The following DNAJC27 variants were observed in gnomAD, a reference collection of about 807,000 sequenced individuals.
The protein encoded by DNAJC27 is dnaJ homolog subfamily C member 27.
DNAJC27 carries 25 observed loss-of-function variants against 31.4 expected under a neutral mutation model. The observed-to-expected ratio is 0.80, with a 90% CI of 0.58 to 1.11. The LOEUF is 1.11. Among genes scored for constraint, DNAJC27 ranks in the 50% most tolerant of loss-of-function variants. The pLI is 0.00. For synonymous variants in DNAJC27, 106 were observed against 112.7 expected, an observed-to-expected ratio of 0.94 and a Z score of 0.37; for missense variants, 356 against 347.3, an observed-to-expected ratio of 1.02 and a Z score of -0.20.
At chr2:24,957,679 A>T in intron 4 of DNAJC27, 131 bp downstream of exon 4, 1 of 868,806 alleles carries the variant, frequency 1.2e-6, no homozygotes, top group Non-Finnish European at 1.8e-6. Context: ...TGTCTTAGGG[A>T]CATTATGTTT....
chr2:24,957,092 T>C lies in DNAJC27; in HGVS notation c.479A>G (p.Tyr160Cys), dbSNP rs1665922197. Residue 160 changes from tyrosine (Y) to cysteine (C), a missense_variant, in exon 5 of 7, where the codon TAC becomes TGC. Physicochemically the swap from Tyr to Cys is radical, Grantham distance 194. Transcript: ENST00000264711. Reference protein sequence around the residue: ...RLWAESKGFLYFETSAQTGEG... With the variant: ...RLWAESKGFLCFETSAQTGEG... Reference sequence around the variant, plus strand: ...TCCAGTTTGTGCTGAAGTTTCAAAGTACAGGAACCCTTTGCTTTCAGCCCA... The same window carrying C: ...TCCAGTTTGTGCTGAAGTTTCAAAGCACAGGAACCCTTTGCTTTCAGCCCA... The C allele has an allele frequency of 6.2e-7, 1 of 1,610,654 alleles. No individual in the cohort carries two copies. Among genetic ancestry groups the C allele is most frequent in the East Asian group, 2.2e-5 (1 of 44,760 alleles).
In DNAJC27 at chr2:24,943,693, ACT is replaced by A. The variant is rs906627679; in HGVS notation, c.*3921_*3922del. The A allele has an allele frequency of 1.3e-5, 2 of 152,596 alleles. No homozygotes were observed. Among genetic ancestry groups the A allele is most frequent in the African/African-American group, 4.8e-5 (2 of 41,436 alleles). The allele number at this position is 152,596 out of a possible 1,614,324, so 9.5% of individuals were successfully genotyped here. A position where few individuals can be genotyped will look rare whatever the true frequency, so the allele number is the denominator to read the frequency against. On this transcript the variant is annotated 3_prime_UTR_variant, in exon 7 of 7. Transcript: ENST00000264711. ...AATACACAACTTAAATACATATGACACTCTGTTTACAAGACATAAACTGGTAG... is the reference window on the plus strand; with the variant it reads ...AATACACAACTTAAATACATATGACACTGTTTACAAGACATAAACTGGTAG...
Position 24,969,285 on chromosome 2 carries a change from G to A in DNAJC27, c.88-1992C>T, listed in dbSNP as rs566375191. On this transcript the variant is annotated intron_variant, in intron 1 of 6. Transcript: ENST00000264711. ...CAATACCAAACACAAACTGGAGAAC[G>A]TGATGATGTCAAGGCTCAGGTATCA... The A allele has an allele frequency of 9.1e-5, 15 of 164,000 alleles. No homozygotes were observed. In the East Asian group the frequency reaches 2.5e-3, roughly 27 times the overall value. 10.2% of individuals were successfully genotyped at this position (164,000 alleles called of 1,614,324 possible). A position where few individuals can be genotyped will look rare whatever the true frequency, so the allele number is the denominator to read the frequency against.
At chr2:24,969,005 C>A in intron 1 of DNAJC27, 1 of 159,970 alleles carries the variant, frequency 6.3e-6, no homozygotes, top group Non-Finnish European at 1.4e-5. Context: ...CAATATTGAG[C>A]CAAAGGGTGA....
chr2:24,951,937 C>T (rs544773631), intron 5 of DNAJC27, among the ~76,000 whole-genome samples: 61 of 152,130 alleles, frequency 4.0e-4, no homozygotes, highest in African/African-American at 1.4e-3. Context: ...GGCAAACCCA[C>T]GTCTCCACAC....
chr2:24,972,031 T>C (rs962381602), upstream of DNAJC27: 2 of 668,588 alleles, frequency 3.0e-6, no homozygotes, highest in Non-Finnish European at 2.3e-6. Flanking sequence ...CTGCTCGCCA[T>C]CCCCGCCGCT....
In DNAJC27 at chr2:24,957,027, C is replaced by T. The variant is rs747175751; in HGVS notation, c.528+16G>A. ...GGCCTTGACACAAACCTTAAAACAA[C>T]AAAATGCTAGCTTACCTGGAACATC... On this transcript the variant is annotated intron_variant, in intron 5 of 6. Coordinates refer to ENST00000264711, the MANE Select transcript of DNAJC27 (RefSeq NM_016544.3). 2 of 1,601,076 alleles carry T rather than the reference C, an allele frequency of 1.2e-6. No homozygotes were observed. Among genetic ancestry groups the T allele is most frequent in the African/African-American group, 2.7e-5 (2 of 74,118 alleles).
intron 6 of DNAJC27, 39 bp from the exon 7 acceptor site, chr2:24,947,787 C>A: frequency 1.9e-6 from 3 of 1,589,022 alleles, no homozygotes; most frequent in South Asian, 2.2e-5. Context: ...GTAACAGAGT[C>A]AGCCCAACCC....
In DNAJC27 at chr2:24,946,013, G is replaced by A. The variant is rs576664475; in HGVS notation, c.*1603C>T. 1 of 152,348 alleles carries A rather than the reference G, an allele frequency of 6.6e-6. No homozygotes were observed. Among genetic ancestry groups the A allele is most frequent in the Admixed American group, 6.5e-5 (1 of 15,302 alleles). 9.4% of individuals were successfully genotyped at this position (152,348 alleles called of 1,614,324 possible). On this transcript the variant is annotated 3_prime_UTR_variant, in exon 7 of 7. Transcript: ENST00000264711. ...CAAGCCCCAATTAGTACAGCTAATTGAAAGTATATAAAAATGTGAATTAGT... is the reference window on the plus strand; with the variant it reads ...CAAGCCCCAATTAGTACAGCTAATTAAAAGTATATAAAAATGTGAATTAGT...
In DNAJC27 at chr2:24,945,747, A is replaced by T. The variant is rs964894196; in HGVS notation, c.*1869T>A. On this transcript the variant is annotated 3_prime_UTR_variant, in exon 7 of 7. Transcript: ENST00000264711. The stretch of plus-strand genomic sequence containing the variant: ...TCAGTTCATTTAAAAAGTTGTTTTG[A>T]TATTACCAAGATGAAAAGTGCGATG... The T allele has an allele frequency of 6.6e-6, 1 of 152,244 alleles. No homozygotes were observed. Among genetic ancestry groups the T allele is most frequent in the African/African-American group, 2.4e-5 (1 of 41,454 alleles). The allele number at this position is 152,244 out of a possible 1,614,324, so 9.4% of individuals were successfully genotyped here. A position where few individuals can be genotyped will look rare whatever the true frequency, so the allele number is the denominator to read the frequency against.
At chr2:24,959,996 T>C (rs1666002719) in intron 3 of DNAJC27, among the ~76,000 whole-genome samples, 1 of 152,202 alleles carries the variant, frequency 6.6e-6, no homozygotes, top group South Asian at 2.1e-4. Context: ...CCTCACTTTA[T>C]TGCACCTATG....
Position 24,951,394 on chromosome 2 carries a change from C to G in DNAJC27, c.689G>C (p.Arg230Thr). The change falls in exon 6 of 7, where the codon AGG becomes ACG. Residue 230 changes from arginine to threonine, a missense_variant and splice_region_variant. Transcript: ENST00000264711. Reference protein sequence around the residue: ...DMLGVKPGASRDEVNKAYRKL... With the variant: ...DMLGVKPGASTDEVNKAYRKL... ...GCACTAAGTATCCCAGAGCGCTTAC[C>G]TTGAGGCCCCAGGTTTGACTCCCAG... 1.9e-6 allele frequency: 3 copies of G among 1,610,410 alleles called. No individual in the cohort carries two copies. Among genetic ancestry groups the G allele is most frequent in the Non-Finnish European group, 2.5e-6 (3 of 1,178,178 alleles).
At chr2:24,948,383 A>G (rs1271750141) in intron 6 of DNAJC27, among the ~76,000 whole-genome samples, 2 of 152,328 alleles carry the variant, frequency 1.3e-5, no homozygotes, top group East Asian at 3.9e-4. Context: ...AAGAAATGGC[A>G]GAAGTGGATG....
At chr2:24,963,608 A>G in intron 2 of DNAJC27, 134 bp from the exon 3 acceptor site, 1 of 635,034 alleles carries the variant, frequency 1.6e-6, no homozygotes, top group Admixed American at 2.9e-5. Context: ...CTCATTCCAG[A>G]TCATCTTTAC....
At chr2:24,969,811 G>A (rs552330527) in intron 1 of DNAJC27, among the ~76,000 whole-genome samples, 1 of 152,196 alleles carries the variant, frequency 6.6e-6, no homozygotes, top group African/African-American at 2.4e-5. Context: ...GATACAGTTG[G>A]TCTTCTTTCA....
At chr2:24,957,771 T>C (rs370182747) in intron 4 of DNAJC27, 39 bp downstream of exon 4, 7 of 1,577,532 alleles carry the variant, frequency 4.4e-6, no homozygotes, top group African/African-American at 2.7e-5. Context: ...CTCCACTCTT[T>C]CCCTAGAAAT....
In DNAJC27 at chr2:24,944,131, T is replaced by C. The variant is rs1665589973; in HGVS notation, c.*3485A>G. The C allele has an allele frequency of 6.6e-6, 1 of 152,234 alleles. No homozygotes were observed. Among genetic ancestry groups the C allele is most frequent in the Non-Finnish European group, 1.5e-5 (1 of 68,048 alleles). 9.4% of individuals were successfully genotyped at this position (152,234 alleles called of 1,614,324 possible). A position where few individuals can be genotyped will look rare whatever the true frequency, so the allele number is the denominator to read the frequency against. On this transcript the variant is annotated 3_prime_UTR_variant, in exon 7 of 7. Transcript: ENST00000264711. ...GGTTAGCTATATTTTGCAGCTAAGT[T>C]CATTTTCAAAAGTTTTACAAAACCT...
At position 24,945,038 on chromosome 2, in the gene DNAJC27, G is replaced by T. The variant is rs190222039; in HGVS notation, c.*2578C>A. ...TATTTTGAAATCCTAACTGGCTGAA[G>T]AATTTTTAATAAGGTTGAACTACAA... On this transcript the variant is annotated 3_prime_UTR_variant, in exon 7 of 7. Transcript: ENST00000264711. 6.6e-6 allele frequency: 1 copy of T among 152,328 alleles called. No individual in the cohort carries two copies. The highest frequency in any genetic ancestry group is 6.5e-5 in the Admixed American group (1 of 15,288). 9.4% of individuals were successfully genotyped at this position (152,328 alleles called of 1,614,324 possible).
At chr2:24,971,746 G>T in intron 1 of DNAJC27, 72 bp downstream of exon 1, 1 of 1,385,624 alleles carries the variant, frequency 7.2e-7, no homozygotes, top group South Asian at 1.3e-5. Context: ...CTGTTGAGTG[G>T]CCGCCCTTCC....
Sources: gnomAD v4.1 joint callset for allele counts (sites outside exome capture counted in the v4.1 genomes callset) on GRCh38, gnomAD v4.1.1 for gene constraint, MANE v1.5 for transcripts, NCBI Gene and HGNC (gene_info 2026-07-23, HGNC 2026-07-21) for gene names.